The following SPATA16 variants were observed in gnomAD, a reference collection of about 807,000 sequenced individuals.
The protein encoded by SPATA16 is spermatogenesis associated 16.
Under a neutral mutation model 63.3 loss-of-function variants are expected in SPATA16, and 36 were observed. The ratio of observed to expected loss-of-function variants is 0.57; its 90% CI spans 0.44 to 0.75. The LOEUF is 0.75. Ranked by LOEUF, SPATA16 falls within the 30% of genes least tolerant of loss-of-function variation. The probability of loss-of-function intolerance (pLI) is 0.00; values close to 1 mark genes in which losing one functional copy is unlikely to be tolerated. For missense variants in SPATA16, 646 were observed against 679.3 expected, an observed-to-expected ratio of 0.95 and a Z score of 0.54; for synonymous variants, 203 against 216.7, an observed-to-expected ratio of 0.94 and a Z score of 0.56.
chr3:172,967,879 T>G (rs1733952404), intron 5 of SPATA16, among the ~76,000 whole-genome samples: 1 of 152,186 alleles, frequency 6.6e-6, no homozygotes, highest in Non-Finnish European at 1.5e-5. Flanking sequence ...TAATCCTACA[T>G]TATGGTGAGT....
At chr3:172,912,242 G>A (rs1267207908) in intron 10 of SPATA16, among the ~76,000 whole-genome samples, 2 of 152,066 alleles carry the variant, frequency 1.3e-5, no homozygotes, top group African/African-American at 4.8e-5. Flanking sequence ...TCCCAGACAA[G>A]GCTATTCTGC....
intron 6 of SPATA16, among the ~76,000 whole-genome samples, chr3:172,952,938 C>CAAAAAAAAAA (rs60404306): frequency 2.6e-5 from 2 of 78,038 alleles, no homozygotes; most frequent in African/African-American, 4.7e-5. Context: ...GACTCCATCT[C>CAAAAAAAAAA]AAAAAAAAAA....
intron 5 of SPATA16, among the ~76,000 whole-genome samples, chr3:172,974,155 AGTCAACCAT>A (rs1283091757): frequency 6.6e-6 from 1 of 152,186 alleles, no homozygotes; most frequent in African/African-American, 2.4e-5. Flanking sequence ...AGAGTTTGTA[AGTCAACCAT>A]GTATAAGAGT....
At chr3:173,023,896 G>C in intron 3 of SPATA16, among the ~76,000 whole-genome samples, 1 of 150,746 alleles carries the variant, frequency 6.6e-6, no homozygotes, top group South Asian at 2.1e-4. Context: ...GAATTTTAAA[G>C]CTTAAGAATT....
At chr3:173,029,671 C>T (rs574777510) in intron 3 of SPATA16, among the ~76,000 whole-genome samples, 53 of 152,180 alleles carry the variant, frequency 3.5e-4, no homozygotes, top group African/African-American at 1.3e-3. Flanking sequence ...CTGTTTGCCA[C>T]ACAACCATCT....
At chr3:172,914,118 A>C (rs565810184) in intron 9 of SPATA16, among the ~76,000 whole-genome samples, 1 of 152,224 alleles carries the variant, frequency 6.6e-6, no homozygotes, top group Non-Finnish European at 1.5e-5. Context: ...CTAATGTATC[A>C]TAATTCTAGG....
At chr3:173,104,275 T>G (rs1183487965) in intron 2 of SPATA16, among the ~76,000 whole-genome samples, 1 of 152,220 alleles carries the variant, frequency 6.6e-6, no homozygotes, top group Non-Finnish European at 1.5e-5. Flanking sequence ...TTTAAACCTC[T>G]GCTCATTACC....
chr3:173,033,101 G>A lies in SPATA16; in HGVS notation c.759-13526C>T, dbSNP rs141008666. The stretch of plus-strand genomic sequence containing the variant: ...AGGCAGATGTGATCAGGAACAAAAG[G>A]CAGTTAATGTAATAATATCAGCGTA... On this transcript the variant is annotated intron_variant, in intron 3 of 10. Coordinates refer to ENST00000351008, the MANE Select transcript of SPATA16 (RefSeq NM_031955.6). Among the ~76,000 whole-genome samples the A allele has an allele frequency of 2.5e-3, 386 of 152,204 alleles. 1 individual carries two copies. Among genetic ancestry groups the A allele is most frequent in the African/African-American group, 9.0e-3 (372 of 41,538 alleles).
chr3:172,982,002 C>T (rs527435455), intron 4 of SPATA16, among the ~76,000 whole-genome samples: 1 of 152,252 alleles, frequency 6.6e-6, no homozygotes, highest in African/African-American at 2.4e-5. Context: ...ATATAAGGTC[C>T]CCAAGGGCAG....
At chr3:173,010,805 G>A (rs1458435701) in intron 4 of SPATA16, among the ~76,000 whole-genome samples, 1 of 151,928 alleles carries the variant, frequency 6.6e-6, no homozygotes, top group Non-Finnish European at 1.5e-5. Context: ...TACCACCTAA[G>A]CAACTCTGCT....
At chr3:173,140,013 C>T (rs1343746770) in intron 1 of SPATA16, among the ~76,000 whole-genome samples, 1 of 151,900 alleles carries the variant, frequency 6.6e-6, no homozygotes, top group African/African-American at 2.4e-5. Context: ...AACAAACAAA[C>T]AAACAAACTC....
At chr3:173,133,593 C>T (rs1472456214) in intron 1 of SPATA16, among the ~76,000 whole-genome samples, 1 of 152,078 alleles carries the variant, frequency 6.6e-6, no homozygotes, top group Non-Finnish European at 1.5e-5. Flanking sequence ...CCCCTCATCC[C>T]TAAGGATGCT....
chr3:172,919,003 A>G (rs1253623760), intron 8 of SPATA16, among the ~76,000 whole-genome samples: 2 of 152,260 alleles, frequency 1.3e-5, no homozygotes, highest in East Asian at 1.9e-4. Flanking sequence ...AAAAAGGGGT[A>G]GGAAACACTT....
chr3:173,124,022 T>A (rs947181194), intron 1 of SPATA16, among the ~76,000 whole-genome samples: 5 of 152,196 alleles, frequency 3.3e-5, no homozygotes, highest in Non-Finnish European at 5.9e-5. Context: ...AACTTCTACA[T>A]GAATGGATTC....
intron 9 of SPATA16, among the ~76,000 whole-genome samples, chr3:172,914,995 C>T (rs749514539): frequency 4.6e-5 from 7 of 151,872 alleles, no homozygotes; most frequent in Non-Finnish European, 7.4e-5. Flanking sequence ...AACATTTTGC[C>T]GGCTTCTTAA....
intron 1 of SPATA16, among the ~76,000 whole-genome samples, chr3:173,124,988 A>G (rs1375137475): frequency 2.6e-5 from 4 of 152,198 alleles, no homozygotes; most frequent in African/African-American, 7.2e-5. Context: ...TCAAAATTGT[A>G]TACTCCTCTG....
At chr3:173,115,198 G>T (rs1180359784) in intron 2 of SPATA16, among the ~76,000 whole-genome samples, 1 of 152,144 alleles carries the variant, frequency 6.6e-6, no homozygotes, top group Non-Finnish European at 1.5e-5. Flanking sequence ...TGAACACAGG[G>T]TTTTATGGAA....
chr3:172,993,673 G>C (rs551777949), intron 4 of SPATA16, among the ~76,000 whole-genome samples: 1 of 152,094 alleles, frequency 6.6e-6, no homozygotes, highest in Non-Finnish European at 1.5e-5. Context: ...TTGTGTATAG[G>C]TTGTATACAC....
At chr3:172,907,380 C>T (rs529258596) in intron 10 of SPATA16, among the ~76,000 whole-genome samples, 4 of 152,278 alleles carry the variant, frequency 2.6e-5, no homozygotes, top group African/African-American at 4.8e-5. Flanking sequence ...CTGCAATAAC[C>T]GACTAACTCA....
Sources: allele counts gnomAD v4.1 joint callset (sites outside exome capture counted in the v4.1 genomes callset), GRCh38; gene constraint gnomAD v4.1.1; transcripts MANE v1.5; gene names NCBI Gene and HGNC (gene_info 2026-07-23, HGNC 2026-07-21).